The following SRGAP3 variants were observed in gnomAD, a reference collection of about 807,000 sequenced individuals.
The protein encoded by SRGAP3 is SLIT-ROBO Rho GTPase-activating protein 3.
In SRGAP3, 39 loss-of-function variants were observed where a neutral mutation model predicts 121.1. The observed-to-expected ratio is 0.32, with a 90% CI of 0.25 to 0.42. The LOEUF is 0.42. Ranked by LOEUF, SRGAP3 falls within the 10% of genes least tolerant of loss-of-function variation. The probability of loss-of-function intolerance (pLI) is 1.00; values close to 1 mark genes in which losing one functional copy is unlikely to be tolerated. For missense variants in SRGAP3, 1,213 were observed against 1,470.6 expected, an observed-to-expected ratio of 0.82 and a Z score of 2.86; for synonymous variants, 601 against 570.0, an observed-to-expected ratio of 1.05 and a Z score of -0.77.
At chr3:9,014,014 C>T (rs1375948657) in intron 15 of SRGAP3, 172 bp from the exon 16 acceptor site, 5 of 690,506 alleles carry the variant, frequency 7.2e-6, no homozygotes, top group South Asian at 1.6e-5. Flanking sequence ...ATCCATCTCC[C>T]TAGCTACAGG....
At chr3:9,073,350 G>T (rs890367773) in intron 4 of SRGAP3, among the ~76,000 whole-genome samples, 2 of 152,166 alleles carry the variant, frequency 1.3e-5, no homozygotes. Context: ...TTGCCACGTT[G>T]CCCAGGCTGG....
intron 18 of SRGAP3, 30 bp downstream of exon 18, chr3:9,010,278 T>G (rs1261374183): frequency 6.2e-7 from 1 of 1,613,574 alleles, no homozygotes; most frequent in Non-Finnish European, 8.5e-7. Flanking sequence ...CCAGGAAGAA[T>G]CCCTTGTCCC....
rs1471895709 is a variant in SRGAP3, at chr3:9,056,312, T to A, written c.1046A>T (p.Gln349Leu). 1.2e-6 allele frequency: 2 copies of A among 1,613,416 alleles called. No homozygotes were observed. Among genetic ancestry groups the A allele is most frequent in the South Asian group, 1.1e-5 (1 of 91,066 alleles). Residue 349 changes from glutamine (Q) to leucine (L), a missense_variant, in exon 8 of 22, where the codon CAG becomes CTG. By Grantham distance (113) the Gln-to-Leu change is moderately radical. This residue lies in a region of SRGAP3 where 793 missense variants were observed against 1,032.9 expected (regional missense o/e 0.77). Coordinates refer to ENST00000383836, the MANE Select transcript of SRGAP3 (RefSeq NM_014850.4). The part of the protein sequence containing the change: ...GDEVCQVSAQ[Q>L]PVQTELLMRY... ...CATGAGCAGTTCTGTCTGGACGGGC[T>A]GCTGAGCGCTGACCTGGCAGACCTG...
chr3:9,166,265 C>A (rs900151059), intron 1 of SRGAP3, among the ~76,000 whole-genome samples: 2 of 152,242 alleles, frequency 1.3e-5, no homozygotes, highest in Admixed American at 1.3e-4. Flanking sequence ...ATTTCCTTCA[C>A]CTCTGTAACC....
intron 10 of SRGAP3, 60 bp downstream of exon 10, chr3:9,047,308 AACAGCTCAACACGTCAGGGGGCC>A: frequency 7.0e-7 from 1 of 1,432,138 alleles, no homozygotes; most frequent in Non-Finnish European, 9.7e-7. Context: ...CTCAAGCCTG[AACAGCTCAACACGTCAGGGGGCC>A]ACAGTGAGAG....
At chr3:8,992,069 G>A (rs919398894) in intron 20 of SRGAP3, among the ~76,000 whole-genome samples, 5 of 152,148 alleles carry the variant, frequency 3.3e-5, no homozygotes, top group Non-Finnish European at 7.3e-5. Flanking sequence ...TGAACTGAAT[G>A]GAATTTGCAG....
chr3:9,333,794 T>C (rs145392705), intron 1 of SRGAP3, among the ~76,000 whole-genome samples: 75 of 152,266 alleles, frequency 4.9e-4, no homozygotes, highest in African/African-American at 1.7e-3. Flanking sequence ...CCTAGAGTGG[T>C]ACTAGACATA....
At chr3:9,286,960 G>A (rs1288943616) in intron 3 of SRGAP3, among the ~76,000 whole-genome samples, 3 of 137,086 alleles carry the variant, frequency 2.2e-5, no homozygotes, top group Non-Finnish European at 3.1e-5. Context: ...GGTAATACTC[G>A]TTTGCCTTGT....
intron 21 of SRGAP3, among the ~76,000 whole-genome samples, chr3:8,988,757 C>T (rs1019575683): frequency 4.6e-5 from 7 of 152,188 alleles, no homozygotes; most frequent in African/African-American, 7.2e-5. Flanking sequence ...AGGATGCTTT[C>T]GGATGAAACT....
intron 20 of SRGAP3, among the ~76,000 whole-genome samples, chr3:8,992,142 A>AT (rs1340356115): frequency 1.3e-5 from 2 of 152,116 alleles, no homozygotes; most frequent in Non-Finnish European, 2.9e-5. Flanking sequence ...ACTGTGACTG[A>AT]TTTTTTTGGG....
chr3:9,318,568 T>G (rs1955386675), intron 3 of SRGAP3, among the ~76,000 whole-genome samples: 1 of 151,704 alleles, frequency 6.6e-6, no homozygotes, highest in African/African-American at 2.4e-5. Context: ...CCCTGAGAAC[T>G]TAAAGCTTTT....
rs1307440759 is a variant in SRGAP3, at chr3:8,989,293, A to AT, written c.2886+1218dup. Among the ~76,000 whole-genome samples, 6 of 152,290 alleles carry AT rather than the reference A, an allele frequency of 3.9e-5. No individual in the cohort carries two copies. The East Asian group carries it at 1.2e-3, about 29-fold the overall frequency. ...GTGCTAGGGTGATGTTTCCTCAAGT[A>AT]TGGGGGGGACCAGCAGCTGGCATGC... On this transcript the variant is annotated intron_variant, in intron 21 of 21. Coordinates refer to ENST00000383836, the MANE Select transcript of SRGAP3 (RefSeq NM_014850.4).
At chr3:9,027,800 A>G (rs1213857504) in intron 12 of SRGAP3, among the ~76,000 whole-genome samples, 1 of 152,190 alleles carries the variant, frequency 6.6e-6, no homozygotes, top group African/African-American at 2.4e-5. Flanking sequence ...TCACTTAAAG[A>G]GCATCAAATT....
intron 3 of SRGAP3, among the ~76,000 whole-genome samples, chr3:9,318,049 A>C (rs1294630403): frequency 6.6e-6 from 1 of 152,008 alleles, no homozygotes; most frequent in African/African-American, 2.4e-5. Context: ...AGTGGCAAAT[A>C]TATAACCTCC....
intron 1 of SRGAP3, among the ~76,000 whole-genome samples, chr3:9,346,529 G>C (rs1388728727): frequency 6.6e-6 from 1 of 152,166 alleles, no homozygotes; most frequent in Non-Finnish European, 1.5e-5. Context: ...GAAGTGAAAT[G>C]AATTTAGGGT....
At chr3:9,201,562 G>C (rs1205314932) in intron 1 of SRGAP3, among the ~76,000 whole-genome samples, 1 of 152,236 alleles carries the variant, frequency 6.6e-6, no homozygotes, top group African/African-American at 2.4e-5. Flanking sequence ...GAGAGGAAAA[G>C]ACCAGTCCAC....
chr3:9,091,377 TCAACAACAA>T (rs559137871), intron 3 of SRGAP3, among the ~76,000 whole-genome samples: 2 of 151,854 alleles, frequency 1.3e-5, no homozygotes, highest in Admixed American at 6.6e-5. Flanking sequence ...CAAATACAAC[TCAACAACAA>T]CAACAACAAC....
intron 3 of SRGAP3, among the ~76,000 whole-genome samples, chr3:9,100,444 A>T (rs561074947): frequency 6.6e-6 from 1 of 152,342 alleles, no homozygotes; most frequent in Non-Finnish European, 1.5e-5. Flanking sequence ...ACAGAAGGTG[A>T]CACCGAGGAG....
At chr3:9,046,950 C>T (rs1411027572) in intron 10 of SRGAP3, among the ~76,000 whole-genome samples, 2 of 152,108 alleles carry the variant, frequency 1.3e-5, no homozygotes, top group East Asian at 3.9e-4. Context: ...CCTGCCTCAG[C>T]CTCCCGAGTA....
Sources: allele counts gnomAD v4.1 joint callset (sites outside exome capture counted in the v4.1 genomes callset), GRCh38; gene constraint gnomAD v4.1.1; regional missense constraint gnomAD v4.1.1; transcripts MANE v1.5; gene names NCBI Gene and HGNC (gene_info 2026-07-23, HGNC 2026-07-21).